The following KIAA1671 variants were observed in gnomAD, a reference collection of about 807,000 sequenced individuals.
KIAA1671 encodes the protein KIAA1671, also known as uncharacterized protein KIAA1671.
Under a neutral mutation model 131.2 loss-of-function variants are expected in KIAA1671, and 52 were observed. The ratio of observed to expected loss-of-function variants is 0.40; its 90% CI spans 0.32 to 0.50. KIAA1671 has a LOEUF of 0.50. Ranked by LOEUF, KIAA1671 falls within the 20% of genes least tolerant of loss-of-function variation. KIAA1671 has a pLI of 0.73. For synonymous variants in KIAA1671, 1,003 were observed against 961.6 expected (o/e 1.04, Z -0.80); for missense variants, 2,360 against 2,364.2 (o/e 1.00, Z 0.04).
chr22:25,151,065 A>C (rs1436292807), intron 6 of KIAA1671, among the ~76,000 whole-genome samples: 3 of 151,164 alleles, frequency 2.0e-5, no homozygotes, highest in Non-Finnish European at 4.4e-5. Context: ...CTATCTTCTG[A>C]CCTCATGATC....
intron 6 of KIAA1671, among the ~76,000 whole-genome samples, chr22:25,161,472 A>G (rs1265917159): frequency 6.6e-6 from 1 of 152,226 alleles, no homozygotes; most frequent in Non-Finnish European, 1.5e-5. Flanking sequence ...CTGTGGCACG[A>G]TGGTGCCTTG....
chr22:25,061,333 C>T (rs190254895), intron 6 of KIAA1671: 94 of 152,262 alleles, frequency 6.2e-4, no homozygotes, highest in Admixed American at 6.0e-3. Flanking sequence ...CCACCTTCTC[C>T]AAGAAGCCCT....
At chr22:24,979,592 G>A (rs965943127) in intron 1 of KIAA1671, among the ~76,000 whole-genome samples, 4 of 149,884 alleles carry the variant, frequency 2.7e-5, no homozygotes, top group South Asian at 2.1e-4. Context: ...CTTGTGATCC[G>A]CCCGCCTCGG....
intron 6 of KIAA1671, among the ~76,000 whole-genome samples, chr22:25,068,655 C>G (rs571440290): frequency 6.6e-6 from 1 of 152,218 alleles, no homozygotes; most frequent in Non-Finnish European, 1.5e-5. Flanking sequence ...CCAGGATGGT[C>G]TCGATCTCCT....
rs762343345 is a variant in KIAA1671, at chr22:25,041,096, G to A, written c.3966G>A (p.Thr1322=). The part of the protein sequence containing the change: ...SPIPADPRKK[T]GFAEDDRKAF... ...TACCTGCGGATCCCAGGAAAAAAAC[G>A]GGGTTTGCTGAGGATGACAGAAAGG... The change falls in exon 5 of 13, where the codon ACG becomes ACA. Residue 1322 remains threonine, a synonymous_variant. Coordinates refer to ENST00000358431, the MANE Select transcript of KIAA1671 (RefSeq NM_001145206.2). The A allele has an allele frequency of 1.8e-5, 28 of 1,543,238 alleles. No individual in the cohort carries two copies. The highest frequency in any genetic ancestry group is 2.1e-5 in the Non-Finnish European group (24 of 1,142,586).
chr22:25,184,859 TC>T (rs1568997798), intron 10 of KIAA1671, 117 bp from the exon 11 acceptor site: 1 of 1,134,134 alleles, frequency 8.8e-7, no homozygotes, highest in Non-Finnish European at 1.3e-6. Context: ...CTGGGTTTAT[TC>T]CGATTCAGGG....
intron 6 of KIAA1671, among the ~76,000 whole-genome samples, chr22:25,103,982 T>A (rs543214476): frequency 1.3e-5 from 2 of 152,164 alleles, no homozygotes; most frequent in South Asian, 2.1e-4. Flanking sequence ...CTTTTTTGTT[T>A]GTTTGTTTTG....
chr22:25,188,581 T>C (rs2061194041), intron 11 of KIAA1671, among the ~76,000 whole-genome samples: 1 of 152,134 alleles, frequency 6.6e-6, no homozygotes, highest in South Asian at 2.1e-4. Flanking sequence ...CTTTTGACTT[T>C]CTAAAATTTA....
intron 1 of KIAA1671, among the ~76,000 whole-genome samples, chr22:24,964,863 G>A (rs544037192): frequency 6.6e-6 from 1 of 152,240 alleles, no homozygotes; most frequent in Non-Finnish European, 1.5e-5. Context: ...CAGCCACCAT[G>A]CTCTGAATCA....
In KIAA1671 at chr22:25,197,358, A is replaced by G. The variant is rs981937271; in HGVS notation, c.*4957A>G. 2.6e-5 allele frequency: 4 copies of G among 152,262 alleles called. No individual in the cohort carries two copies. The highest frequency in any genetic ancestry group is 4.4e-5 in the Non-Finnish European group (3 of 68,046). 9.4% of individuals were successfully genotyped at this position (152,262 alleles called of 1,614,324 possible). On this transcript the variant is annotated 3_prime_UTR_variant, in exon 13 of 13. Transcript: ENST00000358431. ...GCAGTTGGAAATCTGGTCGACTGCAATAAAACAAGATGACCTTTGCATGTA... is the reference window on the plus strand; with the variant it reads ...GCAGTTGGAAATCTGGTCGACTGCAGTAAAACAAGATGACCTTTGCATGTA...
At chr22:25,176,230 C>G (rs1601384051) in intron 8 of KIAA1671, 1 of 152,260 alleles carries the variant, frequency 6.6e-6, no homozygotes, top group South Asian at 2.1e-4. Context: ...CAAGATACCA[C>G]TGTGGCTGGT....
chr22:25,154,094 C>G (rs1409628851), intron 6 of KIAA1671, among the ~76,000 whole-genome samples: 2 of 152,224 alleles, frequency 1.3e-5, no homozygotes, highest in Non-Finnish European at 2.9e-5. Flanking sequence ...AGGTCCGGCT[C>G]CAAGGATGTC....
intron 5 of KIAA1671, among the ~76,000 whole-genome samples, chr22:25,043,836 C>T (rs1024009725): frequency 6.6e-6 from 1 of 152,018 alleles, no homozygotes; most frequent in African/African-American, 2.4e-5. Context: ...TTAGCACCGC[C>T]CTGTGTGATG....
At chr22:24,964,850 C>T (rs777827539) in intron 1 of KIAA1671, among the ~76,000 whole-genome samples, 5 of 152,172 alleles carry the variant, frequency 3.3e-5, no homozygotes, top group Non-Finnish European at 7.3e-5. Context: ...TGTAGCCTGA[C>T]TCCAGCCACC....
At chr22:25,014,579 A>G (rs995493717) in intron 1 of KIAA1671, 4 of 151,986 alleles carry the variant, frequency 2.6e-5, no homozygotes, top group African/African-American at 9.7e-5. Context: ...AAGTTATTTT[A>G]TCTTTCTTTC....
intron 1 of KIAA1671, among the ~76,000 whole-genome samples, chr22:24,955,631 G>A (rs1281941153): frequency 6.6e-6 from 1 of 152,184 alleles, no homozygotes; most frequent in African/African-American, 2.4e-5. Context: ...GGCAGGGTCA[G>A]ATGTGTGTTT....
chr22:24,986,104 G>A (rs1487702386), intron 1 of KIAA1671, among the ~76,000 whole-genome samples: 1 of 152,134 alleles, frequency 6.6e-6, no homozygotes, highest in African/African-American at 2.4e-5. Context: ...GATGAATCAC[G>A]TCCTCTCTTT....
chr22:24,963,145 C>T (rs1922100201), intron 1 of KIAA1671, among the ~76,000 whole-genome samples: 1 of 151,970 alleles, frequency 6.6e-6, no homozygotes, highest in Admixed American at 6.6e-5. Context: ...GGGCGGATCA[C>T]CTGAGGTCAG....
At chr22:24,954,216 TGA>T (rs1379389455) in intron 1 of KIAA1671, among the ~76,000 whole-genome samples, 1 of 152,210 alleles carries the variant, frequency 6.6e-6, no homozygotes, top group Non-Finnish European at 1.5e-5. Flanking sequence ...AGAGAAGCTC[TGA>T]GGTTTGGCTA....
Sources: gnomAD v4.1 joint callset for allele counts (sites outside exome capture counted in the v4.1 genomes callset) on GRCh38, gnomAD v4.1.1 for gene constraint, MANE v1.5 for transcripts, NCBI Gene and HGNC (gene_info 2026-07-23, HGNC 2026-07-21) for gene names.